Variants in ARPP21 observed in about 807,000 individuals in gnomAD.
The protein encoded by ARPP21 is cAMP-regulated phosphoprotein 21.
A neutral mutation model predicts 113.2 loss-of-function variants in ARPP21; 69 were observed. The observed-to-expected ratio is 0.61, with a 90% CI of 0.50 to 0.74. ARPP21 has a LOEUF of 0.74. Ranked by LOEUF, ARPP21 falls within the 30% of genes least tolerant of loss-of-function variation. ARPP21 has a pLI of 0.00. For missense variants in ARPP21, 1,070 were observed against 1,037.4 expected, an observed-to-expected ratio of 1.03 and a Z score of -0.43; for synonymous variants, 368 against 375.5, an observed-to-expected ratio of 0.98 and a Z score of 0.23.
chr3:35,667,885 A>AGAAGAAGAAGAAGAAGAAGAG lies in ARPP21; in HGVS notation c.-212-11897_-212-11896insAGAAGAAGAAGAAGAGGAAGA, dbSNP rs777434867. ...AAGAAGAAGAAGAAGAAGAAGAAGA[A>AGAAGAAGAAGAAGAAGAAGAG]GAAGAGGAAGAGGAAGAGGAAGAGG... On this transcript the variant is annotated intron_variant, in intron 1 of 20. Coordinates refer to ENST00000684406, the MANE Select transcript of ARPP21 (RefSeq NM_001385562.1). 2.2e-3 allele frequency among the ~76,000 whole-genome samples: 213 copies of AGAAGAAGAAGAAGAAGAAGAG among 97,692 alleles called. 8 individuals carry two copies. The highest frequency in any genetic ancestry group is 6.7e-3 in the East Asian group (25 of 3,744). The allele number at this position is 97,692 out of a possible 152,430, so 64.1% of individuals were successfully genotyped here.
chr3:35,673,566 C>T (rs894938093), intron 1 of ARPP21, among the ~76,000 whole-genome samples: 11 of 151,818 alleles, frequency 7.2e-5, no homozygotes, highest in Admixed American at 1.3e-4. Context: ...TGACATAAAA[C>T]AAAGATGTCA....
rs769750357 is a variant in ARPP21 at position 35,729,420 on chromosome 3, A to T, written c.1343A>T (p.Tyr448Phe). Reference sequence around the variant, plus strand: ...GCTGGCTCTCCAGGCTGTGTGCCTTATCCAGAGAATGGAATAGGGGGCCAG... The same window carrying T: ...GCTGGCTCTCCAGGCTGTGTGCCTTTTCCAGAGAATGGAATAGGGGGCCAG... Reference protein sequence around the residue: ...VAAGSPGCVPYPENGIGGQVA... With the variant: ...VAAGSPGCVPFPENGIGGQVA... Residue 448 changes from tyrosine (Y) to phenylalanine (F), a missense_variant, in exon 15 of 21, where the codon TAT (tyrosine) becomes TTT (phenylalanine). Transcript: ENST00000684406. 1.2e-6 allele frequency: 2 copies of T among 1,613,952 alleles called. No homozygotes were observed. Among genetic ancestry groups the T allele is most frequent in the African/African-American group, 2.7e-5 (2 of 74,890 alleles).
chr3:35,783,388 A>G (rs529050778), intron 19 of ARPP21, among the ~76,000 whole-genome samples: 9 of 150,282 alleles, frequency 6.0e-5, no homozygotes, highest in African/African-American at 2.2e-4. Flanking sequence ...CCACTTCCTT[A>G]CCCAAACTTG....
chr3:35,667,938 GAGAAGAAGAAAAGAAGAAGAAGA>G, intron 1 of ARPP21, among the ~76,000 whole-genome samples: 1 of 108,186 alleles, frequency 9.2e-6, no homozygotes, highest in Non-Finnish European at 1.8e-5. Flanking sequence ...GGAGGAGAAG[GAGAAGAAGAAAAGAAGAAGAAGA>G]AGAAGAAGAA....
Position 35,794,235 on chromosome 3 carries a change from T to C in ARPP21, c.*277T>C. On this transcript the variant is annotated 3_prime_UTR_variant, in exon 21 of 21. Coordinates refer to ENST00000684406, the MANE Select transcript of ARPP21 (RefSeq NM_001385562.1). ...CTACCACTGAATACCACTGTGTAGA[T>C]TATAATATCCCTAATTTGGATTAGT... The C allele has an allele frequency of 2.2e-6, 1 of 445,356 alleles. No homozygotes were observed. The highest frequency in any genetic ancestry group is 4.0e-6 in the Non-Finnish European group (1 of 248,380). The allele number at this position is 445,356 out of a possible 1,614,324, so 27.6% of individuals were successfully genotyped here.
At chr3:35,657,563 C>G (rs1705608960) in intron 1 of ARPP21, among the ~76,000 whole-genome samples, 1 of 152,086 alleles carries the variant, frequency 6.6e-6, no homozygotes, top group Admixed American at 6.6e-5. Flanking sequence ...ATCCTCTCAG[C>G]CACTTTTGAG....
intron 19 of ARPP21, among the ~76,000 whole-genome samples, chr3:35,745,547 C>A (rs928628493): frequency 1.3e-5 from 2 of 152,236 alleles, no homozygotes; most frequent in Non-Finnish European, 2.9e-5. Flanking sequence ...TACAAAGAAA[C>A]GCAGTTACAA....
intron 14 of ARPP21, among the ~76,000 whole-genome samples, chr3:35,725,530 G>T (rs1384282060): frequency 6.6e-6 from 1 of 152,164 alleles, no homozygotes; most frequent in East Asian, 1.9e-4. Context: ...AACACAGCTA[G>T]TAAGTGGCAG....
chr3:35,761,958 G>T (rs1406766804), intron 19 of ARPP21, among the ~76,000 whole-genome samples: 1 of 151,994 alleles, frequency 6.6e-6, no homozygotes, highest in Non-Finnish European at 1.5e-5. Context: ...TGAAACCGTT[G>T]ATGCCATCCA....
intron 19 of ARPP21, among the ~76,000 whole-genome samples, chr3:35,751,513 A>G (rs1048732183): frequency 6.6e-6 from 1 of 152,080 alleles, no homozygotes; most frequent in Non-Finnish European, 1.5e-5. Context: ...TAGAATTGGA[A>G]TTTCTCACGG....
At chr3:35,662,834 A>C (rs1252547070) in intron 1 of ARPP21, among the ~76,000 whole-genome samples, 2 of 152,194 alleles carry the variant, frequency 1.3e-5, no homozygotes, top group African/African-American at 2.4e-5. Context: ...CAAAGATTGC[A>C]TATTCTCACT....
At chr3:35,783,169 C>A (rs1174500954) in intron 19 of ARPP21, among the ~76,000 whole-genome samples, 1 of 152,082 alleles carries the variant, frequency 6.6e-6, no homozygotes, top group Non-Finnish European at 1.5e-5. Context: ...TATGATTGTG[C>A]CTTACAACTC....
intron 19 of ARPP21, among the ~76,000 whole-genome samples, chr3:35,769,564 A>G (rs1423971270): frequency 6.6e-6 from 1 of 152,118 alleles, no homozygotes; most frequent in African/African-American, 2.4e-5. Context: ...AAAATTATTT[A>G]ATGGTCCTGA....
intron 19 of ARPP21, among the ~76,000 whole-genome samples, chr3:35,757,425 G>C (rs886367637): frequency 6.6e-6 from 1 of 151,970 alleles, no homozygotes; most frequent in African/African-American, 2.4e-5. Context: ...AGGTCTACCT[G>C]CTAGAAAAGG....
chr3:35,768,715 T>A (rs1471308057), intron 19 of ARPP21, among the ~76,000 whole-genome samples: 2 of 152,204 alleles, frequency 1.3e-5, no homozygotes, highest in Non-Finnish European at 2.9e-5. Context: ...CTCTGATTTG[T>A]CTTATCACTG....
At chr3:35,664,258 G>A (rs1294057585) in intron 1 of ARPP21, among the ~76,000 whole-genome samples, 2 of 152,108 alleles carry the variant, frequency 1.3e-5, no homozygotes, top group Admixed American at 6.5e-5. Context: ...AGAGTAATTA[G>A]CATATCCATC....
chr3:35,778,813 C>T (rs2096454400), intron 19 of ARPP21, among the ~76,000 whole-genome samples: 1 of 152,182 alleles, frequency 6.6e-6, no homozygotes, highest in African/African-American at 2.4e-5. Context: ...ATGATACCCA[C>T]TTCACAAAGC....
intron 1 of ARPP21, among the ~76,000 whole-genome samples, chr3:35,668,495 G>T (rs1226875801): frequency 6.6e-6 from 1 of 152,078 alleles, no homozygotes; most frequent in Non-Finnish European, 1.5e-5. Context: ...CCATATGAGT[G>T]GTCAGGCCAC....
chr3:35,748,893 T>C (rs1018753229), intron 19 of ARPP21, among the ~76,000 whole-genome samples: 1 of 152,226 alleles, frequency 6.6e-6, no homozygotes, highest in Non-Finnish European at 1.5e-5. Context: ...CGTTCCTTCT[T>C]TACAGATAGG....
Sources: allele counts gnomAD v4.1 joint callset (sites outside exome capture counted in the v4.1 genomes callset), GRCh38; gene constraint gnomAD v4.1.1; transcripts MANE v1.5; gene names NCBI Gene and HGNC (gene_info 2026-07-23, HGNC 2026-07-21).